The following SCAI variants were observed in gnomAD, a reference collection of about 807,000 sequenced individuals.
SCAI encodes protein SCAI.
In SCAI, 24 loss-of-function variants were observed where a neutral mutation model predicts 92.2. The observed-to-expected ratio is 0.26, with a 90% confidence interval of 0.19 to 0.37. The LOEUF (loss-of-function observed/expected upper bound fraction) is 0.37, where lower values mean the gene tolerates loss of function less well. SCAI is among the 10% of genes least tolerant of loss of function. The pLI, the probability that SCAI is intolerant of heterozygous loss-of-function variation, is 1.00. For synonymous variants in SCAI, 261 were observed against 258.6 expected (o/e 1.01, Z -0.09); for missense variants, 450 against 736.2 (o/e 0.61, Z 4.50).
chr9:125,110,933 G>C (rs1243673093), intron 2 of SCAI, among the ~76,000 whole-genome samples: 1 of 152,178 alleles, frequency 6.6e-6, no homozygotes, highest in African/African-American at 2.4e-5. Context: ...CTGTGGAACC[G>C]TGAACCAATT....
chr9:125,030,762 T>C (rs1588163700), intron 3 of SCAI, among the ~76,000 whole-genome samples: 2 of 152,076 alleles, frequency 1.3e-5, no homozygotes, highest in African/African-American at 4.8e-5. Flanking sequence ...TACAAAGAGG[T>C]TGGGAAACAG....
At chr9:125,093,297 G>C (rs1360294449) in intron 2 of SCAI, among the ~76,000 whole-genome samples, 1 of 152,042 alleles carries the variant, frequency 6.6e-6, no homozygotes, top group African/African-American at 2.4e-5. Context: ...GGAGGGGAAG[G>C]CTGCAGTGAG....
rs1005339566 is a variant in SCAI, at chr9:125,059,769, C to T, written c.99-3762G>A. Reference sequence around the variant, plus strand: ...TAACACAAGAACTGGTGAAGAATCACTAGCATCTGACATTCTTCAAAATCT... The same window carrying T: ...TAACACAAGAACTGGTGAAGAATCATTAGCATCTGACATTCTTCAAAATCT... On this transcript the variant is annotated intron_variant, in intron 2 of 17. Coordinates refer to ENST00000336505, the MANE Select transcript of SCAI (RefSeq NM_001144877.3). 5.3e-5 allele frequency among the ~76,000 whole-genome samples: 8 copies of T among 152,320 alleles called. No homozygotes were observed. In the East Asian group the frequency reaches 1.5e-3, roughly 29 times the overall value.
In SCAI at chr9:124,949,406, A is replaced by C. The variant is rs1290821944; in HGVS notation, c.*3401T>G. ...TAAAACTTTCATAAAAAGAAAGAAA[A>C]GGCAAAGTGTTCATGCAAATGTGAC... On this transcript the variant is annotated 3_prime_UTR_variant, in exon 18 of 18. Coordinates refer to ENST00000336505, the MANE Select transcript of SCAI (RefSeq NM_001144877.3). This position sits in a 1 kb window ranked among gnomAD's most constrained non-coding sequence, Gnocchi z 4.0. The C allele has an allele frequency of 6.6e-6, 1 of 152,230 alleles. No individual in the cohort carries two copies. The highest frequency in any genetic ancestry group is 1.5e-5 in the Non-Finnish European group (1 of 68,032). The allele number at this position is 152,230 out of a possible 1,614,324, so 9.4% of individuals were successfully genotyped here. A position where few individuals can be genotyped will look rare whatever the true frequency, so the allele number is the denominator to read the frequency against.
At chr9:124,983,074 C>CCCAG (rs201324642) in intron 14 of SCAI, among the ~76,000 whole-genome samples, 1,636 of 151,676 alleles carry the variant, frequency 0.011, 31 homozygotes, top group African/African-American at 0.037. Context: ...ATCTCTTGAG[C>CCCAG]CCAGGAGTAT....
At chr9:125,138,216 C>T (rs1835581046) in intron 2 of SCAI, among the ~76,000 whole-genome samples, 1 of 151,330 alleles carries the variant, frequency 6.6e-6, no homozygotes, top group South Asian at 2.1e-4. Flanking sequence ...ATCCTAGGCA[C>T]CTTACAACCT....
chr9:125,108,938 G>C (rs1834875449), intron 2 of SCAI, among the ~76,000 whole-genome samples: 1 of 152,246 alleles, frequency 6.6e-6, no homozygotes, highest in Non-Finnish European at 1.5e-5. Flanking sequence ...GTGGGGAAAA[G>C]ATAGAGAAAT....
At chr9:125,058,583 T>A (rs1187126984) in intron 2 of SCAI, among the ~76,000 whole-genome samples, 1 of 152,190 alleles carries the variant, frequency 6.6e-6, no homozygotes, top group Non-Finnish European at 1.5e-5. Flanking sequence ...ATGCATGGTG[T>A]GTGTGTCTAC....
chr9:125,001,891 T>A, intron 12 of SCAI, 74 bp downstream of exon 12: 1 of 1,047,690 alleles, frequency 9.5e-7, no homozygotes, highest in Non-Finnish European at 1.5e-6. Context: ...GTCTGTGGGC[T>A]ACGGGCCATC....
chr9:125,007,341 G>A (rs1249889297), intron 9 of SCAI, among the ~76,000 whole-genome samples: 1 of 151,978 alleles, frequency 6.6e-6, no homozygotes, highest in Admixed American at 6.6e-5. Context: ...AAATAGACAT[G>A]GTAGAACACA....
chr9:125,093,672 TCTC>T lies in SCAI; in HGVS notation c.99-37668_99-37666del, dbSNP rs1834489162. Among the ~76,000 whole-genome samples, 5 of 151,578 alleles carry T rather than the reference TCTC, an allele frequency of 3.3e-5. 1 individual carries two copies. In the South Asian group the frequency reaches 1.0e-3, roughly 32 times the overall value. On this transcript the variant is annotated intron_variant, in intron 2 of 17. Coordinates refer to ENST00000336505, the MANE Select transcript of SCAI (RefSeq NM_001144877.3). ...CCTTCGCCTCCCGGGTTCAAGCAATTCTCCTGCCTCAGCCTCCCGAGTAGCTGG... is the reference window on the plus strand; with the variant it reads ...CCTTCGCCTCCCGGGTTCAAGCAATTCTGCCTCAGCCTCCCGAGTAGCTGG...
intron 9 of SCAI, among the ~76,000 whole-genome samples, chr9:125,016,177 TAATAA>T (rs71374218): frequency 1.5e-3 from 120 of 79,230 alleles, no homozygotes; most frequent in South Asian, 3.9e-3. Flanking sequence ...ACTTAAAGTA[TAATAA>T]AATAAAATAA....
Position 124,943,799 on chromosome 9 carries a change from G to A in SCAI, c.*9008C>T, listed in dbSNP as rs1010260888. 2.0e-5 allele frequency: 3 copies of A among 152,070 alleles called. No individual in the cohort carries two copies. The highest frequency in any genetic ancestry group is 2.9e-5 in the Non-Finnish European group (2 of 68,022). 9.4% of individuals were successfully genotyped at this position (152,070 alleles called of 1,614,324 possible). A position where few individuals can be genotyped will look rare whatever the true frequency, so the allele number is the denominator to read the frequency against. On this transcript the variant is annotated 3_prime_UTR_variant, in exon 18 of 18. Coordinates refer to ENST00000336505, the MANE Select transcript of SCAI (RefSeq NM_001144877.3). ...AGTGATGATTAGAACTTAAAAAAGG[G>A]AAACTCAACCTTCCAATGGAAACTG...
chr9:124,984,218 G>T (rs956784113), intron 14 of SCAI, among the ~76,000 whole-genome samples: 4 of 152,200 alleles, frequency 2.6e-5, no homozygotes, highest in African/African-American at 9.6e-5. Flanking sequence ...GAACAGCAAG[G>T]GGGTCAGTGT....
At chr9:125,024,410 G>A (rs777781299) in intron 6 of SCAI, among the ~76,000 whole-genome samples, 7 of 151,752 alleles carry the variant, frequency 4.6e-5, no homozygotes, top group Non-Finnish European at 7.4e-5. Context: ...TGAGTAGCTC[G>A]GACTACAGGC....
chr9:125,010,003 G>C (rs1256708763), intron 9 of SCAI, among the ~76,000 whole-genome samples: 3 of 152,202 alleles, frequency 2.0e-5, no homozygotes, highest in African/African-American at 7.2e-5. Context: ...GACCATTCTG[G>C]TTAACACGGT....
chr9:124,991,351 CAAAAAAAAA>C (rs34976572), intron 14 of SCAI, among the ~76,000 whole-genome samples: 1 of 40,228 alleles, frequency 2.5e-5, no homozygotes, highest in African/African-American at 1.3e-4. Flanking sequence ...AACTCCGTCT[CAAAAAAAAA>C]AAAAAAAAAA....
At chr9:125,130,936 CTTT>C (rs545651994) in intron 2 of SCAI, among the ~76,000 whole-genome samples, 1 of 77,274 alleles carries the variant, frequency 1.3e-5, no homozygotes, top group African/African-American at 5.0e-5. Context: ...GTTTGAACCG[CTTT>C]TTTTTTTTTT....
chr9:125,004,829 C>T (rs1182950497), intron 9 of SCAI, among the ~76,000 whole-genome samples: 1 of 109,510 alleles, frequency 9.1e-6, no homozygotes. Flanking sequence ...ATTCTCGTCA[C>T]CCAGGCTGGA....
Sources: allele counts gnomAD v4.1 joint callset (sites outside exome capture counted in the v4.1 genomes callset), GRCh38; gene constraint gnomAD v4.1.1; non-coding constraint Gnocchi (gnomAD v3.1); transcripts MANE v1.5; gene names NCBI Gene and HGNC (gene_info 2026-07-23, HGNC 2026-07-21).